The following CPNE4 variants were observed in gnomAD, a reference collection of about 807,000 sequenced individuals.
CPNE4 encodes copine-4.
Under a neutral mutation model 67.9 loss-of-function variants are expected in CPNE4, and 25 were observed. The observed-to-expected ratio is 0.37, with a 90% CI of 0.27 to 0.51. The LOEUF (loss-of-function observed/expected upper bound fraction) is 0.51. CPNE4 is among the 20% of genes least tolerant of loss of function. The pLI is 0.93. For missense variants in CPNE4, 464 were observed against 690.8 expected (o/e 0.67, Z 3.68); for synonymous variants, 242 against 244.9 (o/e 0.99, Z 0.11).
At chr3:131,824,325 G>T (rs2085072353) in intron 2 of CPNE4, among the ~76,000 whole-genome samples, 1 of 152,060 alleles carries the variant, frequency 6.6e-6, no homozygotes, top group Non-Finnish European at 1.5e-5. Flanking sequence ...GGCTTAAAAA[G>T]AAATACAGAA....
intron 7 of CPNE4, among the ~76,000 whole-genome samples, chr3:131,648,382 T>A (rs1459582893): frequency 6.6e-6 from 1 of 152,146 alleles, no homozygotes; most frequent in Non-Finnish European, 1.5e-5. Context: ...CAAAATTAAA[T>A]ACATAAATAA....
rs2073222663 is a variant in CPNE4, at chr3:131,993,548, A to G, written c.-2+41019T>C. 1.5e-5 allele frequency among the ~76,000 whole-genome samples: 2 copies of G among 130,272 alleles called. 1 individual carries two copies. The highest frequency in any genetic ancestry group is 3.4e-5 in the Non-Finnish European group (2 of 58,358). 85.5% of individuals were successfully genotyped at this position (130,272 alleles called of 152,430 possible). ...CTTTCATGACTTTGTCTGTGAAAACATGGGTTCTGCATAAGACCAACATCC... is the reference window on the plus strand; with the variant it reads ...CTTTCATGACTTTGTCTGTGAAAACGTGGGTTCTGCATAAGACCAACATCC... On this transcript the variant is annotated intron_variant, in intron 1 of 15. Transcript: ENST00000429747.
At chr3:131,854,261 G>A (rs984924112) in intron 2 of CPNE4, among the ~76,000 whole-genome samples, 2 of 151,828 alleles carry the variant, frequency 1.3e-5, no homozygotes, top group Non-Finnish European at 2.9e-5. Flanking sequence ...TTGAGAGAGA[G>A]AGTGGCCAAA....
chr3:131,962,520 C>T (rs2072212355), intron 1 of CPNE4, among the ~76,000 whole-genome samples: 1 of 152,192 alleles, frequency 6.6e-6, no homozygotes, highest in Non-Finnish European at 1.5e-5. Flanking sequence ...GACTGGACTC[C>T]TTACAGGATT....
chr3:131,731,212 C>T (rs545876465), intron 2 of CPNE4, among the ~76,000 whole-genome samples: 6 of 152,244 alleles, frequency 3.9e-5, no homozygotes, highest in Non-Finnish European at 7.4e-5. Context: ...ATGAACATGC[C>T]GGAGAACCTA....
intron 1 of CPNE4, among the ~76,000 whole-genome samples, chr3:132,001,895 A>G (rs986303153): frequency 6.6e-6 from 1 of 152,132 alleles, no homozygotes; most frequent in Non-Finnish European, 1.5e-5. Flanking sequence ...GGTAACCAAT[A>G]TACAACAAAA....
chr3:131,999,041 A>T (rs951568954), intron 1 of CPNE4, among the ~76,000 whole-genome samples: 2 of 151,952 alleles, frequency 1.3e-5, no homozygotes, highest in African/African-American at 2.4e-5. Flanking sequence ...GGAGGCTAAG[A>T]TTTGAGGGGC....
intron 3 of CPNE4, among the ~76,000 whole-genome samples, chr3:131,707,772 C>T (rs888918003): frequency 8.5e-5 from 13 of 152,078 alleles, no homozygotes; most frequent in African/African-American, 2.7e-4. Flanking sequence ...GGAGAGTTCC[C>T]TCTTACTCAA....
rs1298698741 is a variant in CPNE4, at chr3:131,978,158, AAT to A, written c.-2+56407_-2+56408del. 7.2e-4 allele frequency among the ~76,000 whole-genome samples: 48 copies of A among 66,514 alleles called. 1 individual carries two copies. The South Asian group carries it at 8.4e-3, about 12-fold the overall frequency. The allele number at this position is 66,514 out of a possible 152,430, so 43.6% of individuals were successfully genotyped here. A position where few individuals can be genotyped will look rare whatever the true frequency, so the allele number is the denominator to read the frequency against. On this transcript the variant is annotated intron_variant, in intron 1 of 15. Transcript: ENST00000429747. ...TATATAAATATATATAAAATATATA[AAT>A]ATATATAAATATGTAAATATATATA...
chr3:132,023,391 T>G (rs1367612836), intron 1 of CPNE4, among the ~76,000 whole-genome samples: 1 of 152,136 alleles, frequency 6.6e-6, no homozygotes, highest in East Asian at 1.9e-4. Flanking sequence ...TACATCTTAG[T>G]TTGGTCCGTG....
intron 2 of CPNE4, among the ~76,000 whole-genome samples, chr3:131,791,549 C>G (rs2083720491): frequency 6.6e-6 from 1 of 152,156 alleles, no homozygotes; most frequent in South Asian, 2.1e-4. Context: ...ACAGGGTTTA[C>G]TGTCATTATA....
At chr3:131,892,822 AC>A (rs1174677871) in intron 2 of CPNE4, among the ~76,000 whole-genome samples, 11 of 152,062 alleles carry the variant, frequency 7.2e-5, no homozygotes, top group African/African-American at 2.7e-4. Flanking sequence ...GAAAGAAATT[AC>A]AGCAGATAAA....
chr3:131,618,243 T>C (rs1371172616), intron 7 of CPNE4, among the ~76,000 whole-genome samples: 1 of 152,154 alleles, frequency 6.6e-6, no homozygotes, highest in East Asian at 1.9e-4. Context: ...AAGGGATGCT[T>C]AACTCATTTT....
chr3:131,831,619 C>G (rs961510326), intron 2 of CPNE4, among the ~76,000 whole-genome samples: 1 of 152,106 alleles, frequency 6.6e-6, no homozygotes, highest in African/African-American at 2.4e-5. Flanking sequence ...TTAAAAGATA[C>G]AGAAACATAC....
chr3:131,657,701 ATT>A (rs2080012193), intron 7 of CPNE4, among the ~76,000 whole-genome samples: 3 of 83,122 alleles, frequency 3.6e-5, no homozygotes, highest in Admixed American at 1.5e-4. Context: ...CGTCCAGCTA[ATT>A]TTGTGTGTGT....
intron 5 of CPNE4, among the ~76,000 whole-genome samples, chr3:131,690,289 T>C (rs1464760368): frequency 6.6e-6 from 1 of 152,092 alleles, no homozygotes; most frequent in Non-Finnish European, 1.5e-5. Context: ...CTTCAAACTA[T>C]ACTATAAGGC....
In CPNE4 at chr3:131,882,971, G is replaced by A. The variant is rs369880890; in HGVS notation, c.180+22293C>T. On this transcript the variant is annotated intron_variant, in intron 2 of 15. Transcript: ENST00000429747. Reference sequence around the variant, plus strand: ...TGACCTCATGATCCGTCTGACTCGGGCTCCCAAAGTGCTGGGATTACAGGC... The same window carrying A: ...TGACCTCATGATCCGTCTGACTCGGACTCCCAAAGTGCTGGGATTACAGGC... Among the ~76,000 whole-genome samples, 50 of 152,094 alleles carry A rather than the reference G, an allele frequency of 3.3e-4. No individual in the cohort carries two copies. In the East Asian group the frequency reaches 9.3e-3, roughly 28 times the overall value.
intron 2 of CPNE4, among the ~76,000 whole-genome samples, chr3:131,831,036 G>C (rs2085349582): frequency 6.6e-6 from 1 of 151,450 alleles, no homozygotes; most frequent in South Asian, 2.1e-4. Context: ...TAGGACTCCA[G>C]GTAAAAGTTA....
intron 10 of CPNE4, among the ~76,000 whole-genome samples, chr3:131,573,931 G>C (rs1937462023): frequency 6.6e-6 from 1 of 152,036 alleles, no homozygotes; most frequent in Non-Finnish European, 1.5e-5. Flanking sequence ...CCCAAGTTTA[G>C]GAAGGACATA....
Sources: gnomAD v4.1 joint callset for allele counts (sites outside exome capture counted in the v4.1 genomes callset) on GRCh38, gnomAD v4.1.1 for gene constraint, MANE v1.5 for transcripts, NCBI Gene and HGNC (gene_info 2026-07-23, HGNC 2026-07-21) for gene names.